NTM: variants seen among roughly 807,000 people sequenced by gnomAD.
NTM encodes the protein neurotrimin, also known as IgLON family member 2.
NTM carries 13 observed loss-of-function variants against 42.1 expected under a neutral mutation model. The observed-to-expected ratio is 0.31, with a 90% CI of 0.20 to 0.49. The LOEUF (loss-of-function observed/expected upper bound fraction) is 0.49. Ranked by LOEUF, NTM falls within the 20% of genes least tolerant of loss-of-function variation. NTM has a pLI of 0.99. For synonymous variants in NTM, 187 were observed against 179.2 expected (o/e 1.04, Z -0.35); for missense variants, 373 against 452.8 (o/e 0.82, Z 1.60).
intron 1 of NTM, chr11:131,605,962 TC>T: frequency 1.1e-6 from 1 of 880,142 alleles, no homozygotes; most frequent in Non-Finnish European, 1.4e-6. Context: ...CTTTCACTAT[TC>T]TTTTCTTTTT....
chr11:132,303,209 G>T (rs1278895738), intron 4 of NTM, among the ~76,000 whole-genome samples: 2 of 152,214 alleles, frequency 1.3e-5, no homozygotes, highest in African/African-American at 2.4e-5. Flanking sequence ...ACTGTGACAA[G>T]GCACAAAAAA....
chr11:131,920,921 A>C (rs1297904757), intron 2 of NTM, among the ~76,000 whole-genome samples: 3 of 152,292 alleles, frequency 2.0e-5, no homozygotes, highest in Non-Finnish European at 4.4e-5. Context: ...ACGGCCTCTA[A>C]TGTGCTGGAT....
At position 132,335,404 on chromosome 11, in the gene NTM, C is replaced by A. The variant is rs1565512273; in HGVS notation, c.*258C>A. On this transcript the variant is annotated 3_prime_UTR_variant, in exon 9 of 9. Transcript: ENST00000683400. ...CTTTTCCCAAACGGGAAGAACACAG[C>A]ACACCCGGCTTGGACCCACTGCAAG... 2.3e-6 allele frequency: 1 copy of A among 439,694 alleles called. No individual in the cohort carries two copies. The allele number at this position is 439,694 out of a possible 1,614,324, so 27.2% of individuals were successfully genotyped here. A position where few individuals can be genotyped will look rare whatever the true frequency, so the allele number is the denominator to read the frequency against.
intron 1 of NTM, among the ~76,000 whole-genome samples, chr11:131,644,098 G>A (rs1191491322): frequency 6.6e-6 from 1 of 152,162 alleles, no homozygotes; most frequent in African/African-American, 2.4e-5. Context: ...GGCTTCGGCT[G>A]AATGTGCAGG....
intron 1 of NTM, among the ~76,000 whole-genome samples, chr11:131,465,323 G>A (rs1591748421): frequency 6.6e-6 from 1 of 152,204 alleles, no homozygotes; most frequent in African/African-American, 2.4e-5. Context: ...ACGTACCATA[G>A]CCCATTGCTT....
rs193151296 is a variant in NTM at position 131,480,962 on chromosome 11, G to T, written c.82+110074G>T. Among the ~76,000 whole-genome samples, 554 of 152,272 alleles carry T rather than the reference G, an allele frequency of 3.6e-3. 4 individuals are homozygous for T. The highest frequency in any genetic ancestry group is 3.5e-3 in the Non-Finnish European group (241 of 68,020). On this transcript the variant is annotated intron_variant, in intron 1 of 8. Transcript: ENST00000683400. Reference sequence around the variant, plus strand: ...TGGGTGGGGGTTTTCCAAATTAATGGCAATGTGCAGATGAATCCACTGGGC... The same window carrying T: ...TGGGTGGGGGTTTTCCAAATTAATGTCAATGTGCAGATGAATCCACTGGGC...
At chr11:131,938,872 G>A (rs1399586075) in intron 2 of NTM, among the ~76,000 whole-genome samples, 1 of 152,160 alleles carries the variant, frequency 6.6e-6, no homozygotes, top group Non-Finnish European at 1.5e-5. Flanking sequence ...AGCACCTGTT[G>A]GGTTATGATT....
chr11:132,048,246 C>T (rs1263638135), intron 2 of NTM, among the ~76,000 whole-genome samples: 1 of 152,074 alleles, frequency 6.6e-6, no homozygotes, highest in Admixed American at 6.6e-5. Flanking sequence ...ACAGCAATAC[C>T]CCCCATGCCG....
intron 1 of NTM, among the ~76,000 whole-genome samples, chr11:131,631,761 G>A (rs1019873683): frequency 1.3e-5 from 2 of 152,124 alleles, no homozygotes; most frequent in Admixed American, 6.5e-5. Flanking sequence ...ATGCATTCTT[G>A]TATATTTCAG....
chr11:132,255,390 C>T (rs990668999), intron 4 of NTM, among the ~76,000 whole-genome samples: 1 of 152,154 alleles, frequency 6.6e-6, no homozygotes, highest in Non-Finnish European at 1.5e-5. Flanking sequence ...TTAAGTGATT[C>T]CTGCAGAAGT....
rs145691990 is a variant in NTM, at chr11:132,226,585, C to A, written c.526+14438C>A. ...TTTTTCTTGTAAATTGGTTTAAGTT[C>A]TTTGTAGATTCTGGATATTAGTCCT... On this transcript the variant is annotated intron_variant, in intron 4 of 8. Coordinates refer to ENST00000683400, the MANE Select transcript of NTM (RefSeq NM_001352005.2). Among the ~76,000 whole-genome samples, 316 of 151,916 alleles carry A rather than the reference C, an allele frequency of 2.1e-3. 1 individual carries two copies. Among genetic ancestry groups the A allele is most frequent in the Non-Finnish European group, 3.4e-3 (234 of 67,958 alleles).
At chr11:132,216,553 G>A (rs1460733436) in intron 4 of NTM, among the ~76,000 whole-genome samples, 2 of 152,094 alleles carry the variant, frequency 1.3e-5, no homozygotes, top group Non-Finnish European at 2.9e-5. Context: ...ATATTGGTAG[G>A]GATATTCAGC....
chr11:132,314,965 G>T (rs1390884256), intron 7 of NTM: 10 of 1,197,006 alleles, frequency 8.4e-6, no homozygotes, highest in Non-Finnish European at 1.0e-5. Context: ...ATGTATAAAA[G>T]TAGATCTCAG....
At chr11:132,229,673 A>G (rs1266316502) in intron 4 of NTM, among the ~76,000 whole-genome samples, 1 of 152,198 alleles carries the variant, frequency 6.6e-6, no homozygotes, top group Non-Finnish European at 1.5e-5. Context: ...GTCTGAATTC[A>G]TGACAATCTG....
At chr11:131,519,871 G>C (rs1288492828) in intron 1 of NTM, among the ~76,000 whole-genome samples, 1 of 149,682 alleles carries the variant, frequency 6.7e-6, no homozygotes, top group African/African-American at 2.5e-5. Context: ...TGTGGAGTTA[G>C]TTATGACCAG....
At chr11:131,447,450 G>A (rs978615508) in intron 1 of NTM, among the ~76,000 whole-genome samples, 45 of 152,216 alleles carry the variant, frequency 3.0e-4, no homozygotes, top group Non-Finnish European at 4.9e-4. Context: ...CAATTAGAGC[G>A]CTCCCTGTGG....
intron 1 of NTM, among the ~76,000 whole-genome samples, chr11:131,885,336 G>T (rs1190538700): frequency 6.6e-6 from 1 of 152,200 alleles, no homozygotes; most frequent in Admixed American, 6.5e-5. Flanking sequence ...AACCAATCTA[G>T]CATGGTGGAG....
intron 1 of NTM, among the ~76,000 whole-genome samples, chr11:131,401,860 ATT>A (rs1555101855): frequency 4.6e-5 from 5 of 107,706 alleles, no homozygotes; most frequent in Admixed American, 3.2e-4. Context: ...ATATATATAT[ATT>A]TTAATTTAAA....
At chr11:131,520,202 A>G (rs957042649) in intron 1 of NTM, among the ~76,000 whole-genome samples, 1 of 152,182 alleles carries the variant, frequency 6.6e-6, no homozygotes, top group African/African-American at 2.4e-5. Context: ...GACTTCCAAA[A>G]ATAATAATAT....
Sources: allele counts gnomAD v4.1 joint callset (sites outside exome capture counted in the v4.1 genomes callset), GRCh38; gene constraint gnomAD v4.1.1; transcripts MANE v1.5; gene names NCBI Gene and HGNC (gene_info 2026-07-23, HGNC 2026-07-21).